AUTS2: variants seen among roughly 807,000 people sequenced by gnomAD.
AUTS2 encodes the protein activator of transcription and developmental regulator AUTS2, also known as autism susceptibility gene 2 protein.
Under a neutral mutation model 112.4 loss-of-function variants are expected in AUTS2, and 17 were observed. The observed-to-expected ratio is 0.15, with a 90% CI of 0.10 to 0.23. The LOEUF (loss-of-function observed/expected upper bound fraction) is 0.23. Ranked by LOEUF, AUTS2 falls within the 10% of genes least tolerant of loss-of-function variation. The pLI is 1.00. For synonymous variants in AUTS2, 751 were observed against 702.7 expected (o/e 1.07, Z -1.09); for missense variants, 1,510 against 1,701.6 (o/e 0.89, Z 1.98).
chr7:69,870,102 T>G (rs555429268), intron 1 of AUTS2, among the ~76,000 whole-genome samples: 8 of 152,156 alleles, frequency 5.3e-5, no homozygotes, highest in African/African-American at 1.9e-4. Flanking sequence ...TCAAAAGCCT[T>G]TAATATATGG....
At chr7:70,188,285 G>A (rs1190459392) in intron 4 of AUTS2, among the ~76,000 whole-genome samples, 4 of 152,170 alleles carry the variant, frequency 2.6e-5, no homozygotes, top group Non-Finnish European at 4.4e-5. Flanking sequence ...TAAGATCCGG[G>A]CTTGAAAGGC....
chr7:69,708,530 G>C (rs1798166880), intron 1 of AUTS2, among the ~76,000 whole-genome samples: 1 of 152,192 alleles, frequency 6.6e-6, no homozygotes, highest in African/African-American at 2.4e-5. Context: ...AGGACACAGA[G>C]ATGTCAGGCA....
chr7:69,618,964 A>G (rs1305832851), intron 1 of AUTS2, among the ~76,000 whole-genome samples: 1 of 152,052 alleles, frequency 6.6e-6, no homozygotes, highest in Non-Finnish European at 1.5e-5. Context: ...CCCCACCTCT[A>G]TCATCAGAAT....
intron 6 of AUTS2, among the ~76,000 whole-genome samples, chr7:70,717,455 G>A (rs1172264305): frequency 1.3e-5 from 2 of 152,102 alleles, no homozygotes; most frequent in African/African-American, 4.8e-5. Context: ...CCAAAGCATC[G>A]AGCTCCTGGT....
intron 5 of AUTS2, among the ~76,000 whole-genome samples, chr7:70,678,029 C>G (rs1185648628): frequency 6.6e-6 from 1 of 152,120 alleles, no homozygotes; most frequent in East Asian, 1.9e-4. Flanking sequence ...TTGCAGTGAG[C>G]CGAGATGGTG....
At chr7:69,867,711 A>G (rs1287743537) in intron 1 of AUTS2, among the ~76,000 whole-genome samples, 1 of 152,112 alleles carries the variant, frequency 6.6e-6, no homozygotes, top group Admixed American at 6.6e-5. Flanking sequence ...GTGCGTGGCA[A>G]AAATCTTCCT....
intron 1 of AUTS2, among the ~76,000 whole-genome samples, chr7:69,659,583 G>GTTTTTTTTTT (rs58289887): frequency 5.0e-4 from 41 of 81,254 alleles, no homozygotes; most frequent in Admixed American, 7.2e-4. Flanking sequence ...AGGCTTAGTT[G>GTTTTTTTTTT]TTTTTTTTTT....
chr7:69,746,590 TGC>T (rs1787506083), intron 1 of AUTS2, among the ~76,000 whole-genome samples: 1 of 152,138 alleles, frequency 6.6e-6, no homozygotes, highest in Non-Finnish European at 1.5e-5. Flanking sequence ...GTGGAGACAC[TGC>T]AAGGTACAAG....
chr7:69,703,813 CTGTT>C (rs542433654), intron 1 of AUTS2, among the ~76,000 whole-genome samples: 14 of 152,244 alleles, frequency 9.2e-5, no homozygotes, highest in Non-Finnish European at 1.5e-4. Context: ...GAGTGCTAGT[CTGTT>C]TGGTCATGTT....
intron 4 of AUTS2, among the ~76,000 whole-genome samples, chr7:70,224,896 G>A (rs1037453151): frequency 6.6e-6 from 1 of 152,202 alleles, no homozygotes; most frequent in African/African-American, 2.4e-5. Context: ...TAGCCTAGGA[G>A]CAATAGGTTA....
chr7:70,379,227 C>T (rs951483682), intron 4 of AUTS2, among the ~76,000 whole-genome samples: 1 of 152,056 alleles, frequency 6.6e-6, no homozygotes, highest in Admixed American at 6.6e-5. Context: ...AGGGCGGGCA[C>T]GGTGGCTCAC....
intron 5 of AUTS2, among the ~76,000 whole-genome samples, chr7:70,666,059 C>A (rs972604028): frequency 6.6e-6 from 1 of 152,106 alleles, no homozygotes; most frequent in Admixed American, 6.6e-5. Flanking sequence ...GGTGCCGTGA[C>A]AGATTGTGGT....
At chr7:70,772,680 CT>C (rs1311443706) in intron 11 of AUTS2, among the ~76,000 whole-genome samples, 2 of 152,230 alleles carry the variant, frequency 1.3e-5, no homozygotes, top group Admixed American at 6.5e-5. Context: ...TCAAAATCAC[CT>C]GCATTGAATT....
chr7:69,789,189 G>A (rs1040913943), intron 1 of AUTS2, among the ~76,000 whole-genome samples: 1 of 152,042 alleles, frequency 6.6e-6, no homozygotes, highest in African/African-American at 2.4e-5. Context: ...AGCTTTTTGG[G>A]TTTGCTTGTG....
intron 5 of AUTS2, among the ~76,000 whole-genome samples, chr7:70,688,318 C>A (rs1446949778): frequency 1.3e-5 from 2 of 152,144 alleles, no homozygotes; most frequent in Non-Finnish European, 2.9e-5. Flanking sequence ...TGAATTCTAT[C>A]CACAAGAAAC....
intron 5 of AUTS2, among the ~76,000 whole-genome samples, chr7:70,470,208 G>A (rs571378980): frequency 3.0e-4 from 45 of 152,302 alleles, no homozygotes; most frequent in African/African-American, 9.4e-4. Flanking sequence ...AAGTCTTTTA[G>A]GATAAGAACC....
chr7:70,380,476 C>T (rs891217483), intron 4 of AUTS2, among the ~76,000 whole-genome samples: 1 of 152,238 alleles, frequency 6.6e-6, no homozygotes, highest in African/African-American at 2.4e-5. Context: ...GTCCCCCTTT[C>T]CGCTGGCAGA....
intron 4 of AUTS2, among the ~76,000 whole-genome samples, chr7:70,177,709 A>G (rs1005776564): frequency 6.6e-6 from 1 of 152,102 alleles, no homozygotes; most frequent in African/African-American, 2.4e-5. Context: ...CCCTCCAACA[A>G]AGGTCATTTT....
chr7:70,617,982 A>T (rs1162120861), intron 5 of AUTS2, among the ~76,000 whole-genome samples: 2 of 152,186 alleles, frequency 1.3e-5, no homozygotes, highest in African/African-American at 4.8e-5. Context: ...TATTCCCTTT[A>T]ACAACTTAAC....
Sources: allele counts gnomAD v4.1 joint callset (sites outside exome capture counted in the v4.1 genomes callset), GRCh38; gene constraint gnomAD v4.1.1; transcripts MANE v1.5; gene names NCBI Gene and HGNC (gene_info 2026-07-23, HGNC 2026-07-21).